Variants in UBAC2 observed in about 807,000 individuals in gnomAD.
UBAC2 encodes ubiquitin-associated domain-containing protein 2.
A neutral mutation model predicts 44.0 loss-of-function variants in UBAC2; 26 were observed. The observed-to-expected ratio is 0.59, with a 90% CI of 0.43 to 0.82. UBAC2 has a LOEUF of 0.82. Ranked by LOEUF, UBAC2 falls within the 40% of genes least tolerant of loss-of-function variation. The pLI, the probability that UBAC2 is intolerant of heterozygous loss-of-function variation, is 0.00. For missense variants in UBAC2, 329 were observed against 419.4 expected (o/e 0.78, Z 1.88); for synonymous variants, 155 against 154.3 (o/e 1.00, Z -0.04).
intron 4 of UBAC2, among the ~76,000 whole-genome samples, chr13:99,245,857 A>C (rs1037227870): frequency 1.3e-5 from 2 of 151,588 alleles, no homozygotes; most frequent in African/African-American, 2.4e-5. Context: ...AAATACCCCC[A>C]AAAAACCATG....
chr13:99,223,083 A>G (rs1238272729), intron 1 of UBAC2, among the ~76,000 whole-genome samples: 5 of 152,188 alleles, frequency 3.3e-5, no homozygotes, highest in African/African-American at 4.8e-5. Context: ...GTGTCTTCCA[A>G]GGAGTTTGCC....
At chr13:99,352,724 A>G (rs2045113050) in intron 7 of UBAC2, among the ~76,000 whole-genome samples, 1 of 152,234 alleles carries the variant, frequency 6.6e-6, no homozygotes, top group African/African-American at 2.4e-5. Flanking sequence ...ACAGTGACCA[A>G]GGCAGCACGA....
chr13:99,233,144 A>C (rs2043195158), intron 1 of UBAC2, among the ~76,000 whole-genome samples: 1 of 148,486 alleles, frequency 6.7e-6, no homozygotes, highest in African/African-American at 2.5e-5. Context: ...ACGAAGTCTT[A>C]CTCTGTTGCC....
chr13:99,381,625 C>A (rs1359693722), intron 8 of UBAC2, among the ~76,000 whole-genome samples: 1 of 152,174 alleles, frequency 6.6e-6, no homozygotes, highest in African/African-American at 2.4e-5. Context: ...GACAATGGTC[C>A]TTAACTGGAG....
At chr13:99,341,308 G>A (rs776099259) in intron 7 of UBAC2, among the ~76,000 whole-genome samples, 7 of 151,998 alleles carry the variant, frequency 4.6e-5, no homozygotes, top group Non-Finnish European at 1.0e-4. Flanking sequence ...TCTTCCACTA[G>A]CATTGGATGC....
intron 7 of UBAC2, among the ~76,000 whole-genome samples, chr13:99,358,386 G>T (rs901657591): frequency 1.3e-5 from 2 of 152,164 alleles, no homozygotes; most frequent in East Asian, 3.8e-4. Flanking sequence ...GAACAAAATC[G>T]AATGCAGAAG....
intron 1 of UBAC2, among the ~76,000 whole-genome samples, chr13:99,218,430 TTAAG>T (rs1358608724): frequency 6.6e-6 from 1 of 152,210 alleles, no homozygotes; most frequent in Non-Finnish European, 1.5e-5. Context: ...TTCACACTGT[TTAAG>T]TATTTTAGAT....
At chr13:99,353,823 C>T (rs993184639) in intron 7 of UBAC2, among the ~76,000 whole-genome samples, 4 of 152,152 alleles carry the variant, frequency 2.6e-5, no homozygotes, top group Non-Finnish European at 5.9e-5. Context: ...CTCAGGAAAA[C>T]TGAGACCCTC....
intron 4 of UBAC2, among the ~76,000 whole-genome samples, chr13:99,270,871 G>A (rs1393311900): frequency 6.6e-6 from 1 of 152,214 alleles, no homozygotes; most frequent in Non-Finnish European, 1.5e-5. Flanking sequence ...ACACTTCCTT[G>A]TATAAAGTAG....
intron 1 of UBAC2, among the ~76,000 whole-genome samples, chr13:99,202,330 A>G (rs2042814148): frequency 6.6e-6 from 1 of 152,178 alleles, no homozygotes; most frequent in African/African-American, 2.4e-5. Flanking sequence ...ATCTTCCCCA[A>G]ACTACCCTTT....
intron 4 of UBAC2, among the ~76,000 whole-genome samples, chr13:99,303,301 AAGACCCACTTCGGCTTCAT>A (rs2044283268): frequency 1.3e-5 from 2 of 152,262 alleles, no homozygotes; most frequent in African/African-American, 4.8e-5. Flanking sequence ...ATGTGCAGCA[AAGACCCACTTCGGCTTCAT>A]AGACGCGCTC....
intron 1 of UBAC2, among the ~76,000 whole-genome samples, chr13:99,216,364 C>T (rs2042995709): frequency 6.6e-6 from 1 of 152,190 alleles, no homozygotes; most frequent in Non-Finnish European, 1.5e-5. Flanking sequence ...CTTGGCCTCC[C>T]AAAGTGCTGG....
At chr13:99,237,265 T>TAC (rs778879715) in intron 1 of UBAC2, among the ~76,000 whole-genome samples, 20,213 of 113,758 alleles carry the variant, frequency 0.18, 1,495 homozygotes, top group Non-Finnish European at 0.24. Context: ...TATATATATA[T>TAC]ATATATACAC....
chr13:99,238,546 G>C lies in UBAC2; in HGVS notation c.151G>C (p.Asp51His). 1 of 1,606,470 alleles carries C rather than the reference G, an allele frequency of 6.2e-7. No homozygotes were observed. Among genetic ancestry groups the C allele is most frequent in the Non-Finnish European group, 8.5e-7 (1 of 1,176,092 alleles). Residue 51 changes from aspartate (D) to histidine (H), a missense_variant, in exon 2 of 9, where the codon GAC (aspartate) becomes CAC (histidine). Transcript: ENST00000403766. The part of the protein sequence containing the change: ...FVYDLHAVKN[D>H]FQIWRLICGR... ...GTATGACCTTCACGCAGTCAAGAAC[G>C]ACTTCCAGGTAAGCTCTGCCTCATT...
At chr13:99,263,543 AAC>A (rs1173570042) in intron 4 of UBAC2, among the ~76,000 whole-genome samples, 1 of 152,232 alleles carries the variant, frequency 6.6e-6, no homozygotes, top group Non-Finnish European at 1.5e-5. Flanking sequence ...GGTATCGAGT[AAC>A]AAGGAACATT....
At chr13:99,340,681 G>A in intron 7 of UBAC2, 116 bp downstream of exon 7, 1 of 1,190,072 alleles carries the variant, frequency 8.4e-7, no homozygotes, top group East Asian at 2.4e-5. Flanking sequence ...CTTGCAAGTG[G>A]ATTTTGACAT....
At chr13:99,202,016 C>T (rs941174248) in intron 1 of UBAC2, among the ~76,000 whole-genome samples, 1 of 143,628 alleles carries the variant, frequency 7.0e-6, no homozygotes, top group Admixed American at 7.5e-5. Context: ...GAGCTTGCAG[C>T]GAGCCGAGAT....
At chr13:99,230,695 G>A (rs78983110) in intron 1 of UBAC2, among the ~76,000 whole-genome samples, 1,747 of 152,182 alleles carry the variant, frequency 0.011, 41 homozygotes, top group African/African-American at 0.04. Flanking sequence ...GGTGACTGGT[G>A]GACTCTTTCT....
chr13:99,287,643 C>CTTTTTTT (rs11304203), intron 4 of UBAC2, among the ~76,000 whole-genome samples: 16 of 95,142 alleles, frequency 1.7e-4, no homozygotes, highest in African/African-American at 4.1e-4. Flanking sequence ...TTTTTTCTTT[C>CTTTTTTT]TTTTTTTTTT....
Sources: gnomAD v4.1 joint callset for allele counts (sites outside exome capture counted in the v4.1 genomes callset) on GRCh38, gnomAD v4.1.1 for gene constraint, MANE v1.5 for transcripts, NCBI Gene and HGNC (gene_info 2026-07-23, HGNC 2026-07-21) for gene names.